ETV5: variants seen among roughly 807,000 people sequenced by gnomAD.
ETV5 encodes the protein ETS variant transcription factor 5, also known as ETS translocation variant 5.
Under a neutral mutation model 70.0 loss-of-function variants are expected in ETV5, and 10 were observed. The ratio of observed to expected loss-of-function variants is 0.14; its 90% confidence interval spans 0.09 to 0.24. ETV5 has a LOEUF of 0.24. ETV5 is among the 10% of genes least tolerant of loss of function. The pLI, the probability that ETV5 is intolerant of heterozygous loss-of-function variation, is 1.00. For synonymous variants in ETV5, 216 were observed against 242.2 expected, an observed-to-expected ratio of 0.89 and a Z score of 1.01; for missense variants, 453 against 651.2, an observed-to-expected ratio of 0.70 and a Z score of 3.31.
intron 9 of ETV5, among the ~76,000 whole-genome samples, chr3:186,063,304 C>T (rs1713355398): frequency 6.6e-6 from 1 of 152,156 alleles, no homozygotes; most frequent in African/African-American, 2.4e-5. Context: ...TGAAAAAAAG[C>T]AAGCTCCTCC....
Position 186,049,009 on chromosome 3 carries a change from G to A in ETV5, c.1312-149C>T, listed in dbSNP as rs1712954475. 1.8e-5 allele frequency: 12 copies of A among 653,162 alleles called. No homozygotes were observed. The Admixed American group carries it at 3.2e-4, about 18-fold the overall frequency. The allele number at this position is 653,162 out of a possible 1,614,324, so 40.5% of individuals were successfully genotyped here. On this transcript the variant is annotated intron_variant, in intron 12 of 12. Transcript: ENST00000306376. ...TCAGACTTATTTTGAGAACTCCTGG[G>A]AACCTATTATCTGCCAAGTGTTTTA...
Position 186,081,189 on chromosome 3 carries a change from A to G in ETV5, c.233-14T>C, listed in dbSNP as rs1713926250. On this transcript the variant is annotated splice_polypyrimidine_tract_variant and intron_variant, in intron 5 of 12. Coordinates refer to ENST00000306376, the MANE Select transcript of ETV5 (RefSeq NM_004454.3). Reference sequence around the variant, plus strand: ...CATGAAGCACCACTGAAATCAGAAGAGGGATGAGAGGGGAATAGAGAGAGA... The same window carrying G: ...CATGAAGCACCACTGAAATCAGAAGGGGGATGAGAGGGGAATAGAGAGAGA... The G allele has an allele frequency of 1.2e-6, 2 of 1,609,456 alleles. No individual in the cohort carries two copies. Among genetic ancestry groups the G allele is most frequent in the Non-Finnish European group, 1.7e-6 (2 of 1,177,256 alleles).
chr3:186,085,178 C>T (rs1302215112), intron 5 of ETV5, among the ~76,000 whole-genome samples: 1 of 152,084 alleles, frequency 6.6e-6, no homozygotes, highest in African/African-American at 2.4e-5. Context: ...GGCCAGGATT[C>T]CTACCTATGC....
Position 186,079,875 on chromosome 3 carries a change from G to A in ETV5, c.592C>T (p.His198Tyr), listed in dbSNP as rs1257471491. ...QQTFAVPRPP[H>Y]QPLQMPKMMP... is the part of the protein sequence containing the mutation. ...ATCTTTGGCATCTGCAGGGGCTGATGTGGTGGTCGGGGGACCGCAAATGTT... is the reference window on the plus strand; with the variant it reads ...ATCTTTGGCATCTGCAGGGGCTGATATGGTGGTCGGGGGACCGCAAATGTT... Residue 198 changes from histidine (H) to tyrosine (Y), a missense_variant, in exon 7 of 13, where the codon CAT becomes TAT. Transcript: ENST00000306376. The A allele has an allele frequency of 6.2e-7, 1 of 1,610,724 alleles. No individual in the cohort carries two copies. Among genetic ancestry groups the A allele is most frequent in the East Asian group, 2.2e-5 (1 of 44,584 alleles).
chr3:186,094,963 G>C (rs1292162852), intron 5 of ETV5, among the ~76,000 whole-genome samples: 1 of 152,144 alleles, frequency 6.6e-6, no homozygotes, highest in Non-Finnish European at 1.5e-5. Context: ...CTGGCATGTT[G>C]GTTACTTTCA....
In ETV5 at chr3:186,065,882, G is replaced by C. The variant is rs558126076; in HGVS notation, c.841C>G (p.Pro281Ala). 2.5e-6 allele frequency: 4 copies of C among 1,613,948 alleles called. No individual in the cohort carries two copies. The highest frequency in any genetic ancestry group is 3.3e-5 in the Admixed American group (2 of 60,020). ...YEHGVPGMPG[P>A]PAHGFQSPMG... ...GGTGACTGGAACCCGTGTGCTGGGG[G>C]CCCTGGCATGCCCGGGACCCCATGT... Residue 281 changes from proline to alanine, a missense_variant, in exon 8 of 13, where the codon CCC becomes GCC. Physicochemically the swap from Pro to Ala is conservative, Grantham distance 27. Around this residue, in one of 4 missense-constraint regions of ETV5, gnomAD observed 307 missense variants for 344.9 expected, o/e 0.89. Coordinates refer to ENST00000306376, the MANE Select transcript of ETV5 (RefSeq NM_004454.3).
At position 186,079,895 on chromosome 3, in the gene ETV5, A is replaced by C. The variant is rs1374783313; in HGVS notation, c.572T>G (p.Phe191Cys). ...LPEPGPQQQT[F>C]AVPRPPHQPL... Reference sequence around the variant, plus strand: ...CTGATGTGGTGGTCGGGGGACCGCAAATGTTTGCTGCTGTGGTCCAGGCTC... The same window carrying C: ...CTGATGTGGTGGTCGGGGGACCGCACATGTTTGCTGCTGTGGTCCAGGCTC... Residue 191 changes from phenylalanine (F) to cysteine (C), a missense_variant, in exon 7 of 13, where the codon TTT becomes TGT. Physicochemically the swap from Phe to Cys is radical, Grantham distance 205 (BLOSUM62 -2). Transcript: ENST00000306376. 7.0e-7 allele frequency: 1 copy of C among 1,421,798 alleles called. No homozygotes were observed. Among genetic ancestry groups the C allele is most frequent in the South Asian group, 1.2e-5 (1 of 86,412 alleles). 88.1% of individuals were successfully genotyped at this position (1,421,798 alleles called of 1,614,324 possible). A position where few individuals can be genotyped will look rare whatever the true frequency, so the allele number is the denominator to read the frequency against.
At position 186,094,231 on chromosome 3, in the gene ETV5, G is replaced by C. The variant is rs554953387; in HGVS notation, c.232+11074C>G. 7.2e-5 allele frequency among the ~76,000 whole-genome samples: 11 copies of C among 152,346 alleles called. No individual in the cohort carries two copies. The South Asian group carries it at 1.0e-3, about 14-fold the overall frequency. On this transcript the variant is annotated intron_variant, in intron 5 of 12. Coordinates refer to ENST00000306376, the MANE Select transcript of ETV5 (RefSeq NM_004454.3). ...TCCCAAAAGAAGTGGTCACGGATGGGAGGAGAGCCTTCCGTCCACGGGTGT... is the reference window on the plus strand; with the variant it reads ...TCCCAAAAGAAGTGGTCACGGATGGCAGGAGAGCCTTCCGTCCACGGGTGT...
At chr3:186,060,340 C>T (rs1578539922) in intron 9 of ETV5, among the ~76,000 whole-genome samples, 1 of 152,166 alleles carries the variant, frequency 6.6e-6, no homozygotes, top group East Asian at 1.9e-4. Context: ...TTCTAGTCAT[C>T]GCCACATGTG....
rs189227245 is a variant in ETV5, at chr3:186,102,658, G to A, written c.232+2647C>T. ...CTCCAAAAAAAAAAAAAAAAAAAAA[G>A]GTTTGCTTTCCCCTGGCAAATCTAA... On this transcript the variant is annotated intron_variant, in intron 5 of 12. Coordinates refer to ENST00000306376, the MANE Select transcript of ETV5 (RefSeq NM_004454.3). Among the ~76,000 whole-genome samples the A allele has an allele frequency of 7.8e-4, 103 of 131,660 alleles. 2 individuals carry two copies. Among genetic ancestry groups the A allele is most frequent in the African/African-American group, 3.0e-3 (100 of 33,190 alleles). The allele number at this position is 131,660 out of a possible 152,430, so 86.4% of individuals were successfully genotyped here.
At position 186,060,266 on chromosome 3, in the gene ETV5, G is replaced by T. The variant is rs143221319; in HGVS notation, c.971-2775C>A. ...ACATCTAGAAGAAATTCTCAGTTTG[G>T]TTTTCAAAGCTAATCAGATGAAGGT... On this transcript the variant is annotated intron_variant, in intron 9 of 12. Coordinates refer to ENST00000306376, the MANE Select transcript of ETV5 (RefSeq NM_004454.3). 2.6e-5 allele frequency among the ~76,000 whole-genome samples: 4 copies of T among 152,312 alleles called. No individual in the cohort carries two copies. In the East Asian group the frequency reaches 5.8e-4, roughly 22 times the overall value.
intron 11 of ETV5, among the ~76,000 whole-genome samples, chr3:186,056,386 T>C (rs1458344563): frequency 2.0e-5 from 3 of 152,254 alleles, no homozygotes; most frequent in Admixed American, 1.3e-4. Context: ...CACACCACCA[T>C]GCCTAGCTAA....
At chr3:186,073,111 G>A (rs977371411) in intron 7 of ETV5, among the ~76,000 whole-genome samples, 7 of 152,276 alleles carry the variant, frequency 4.6e-5, no homozygotes, top group Admixed American at 2.6e-4. Context: ...CAGCCTGTGC[G>A]ATGGAGTGAG....
At chr3:186,098,948 C>T (rs1053805697) in intron 5 of ETV5, among the ~76,000 whole-genome samples, 4 of 152,170 alleles carry the variant, frequency 2.6e-5, no homozygotes, top group African/African-American at 4.8e-5. Context: ...TTCCATGCCT[C>T]GGCTGTTCAG....
intron 7 of ETV5, among the ~76,000 whole-genome samples, chr3:186,067,433 A>G (rs1372105915): frequency 6.6e-6 from 1 of 152,166 alleles, no homozygotes; most frequent in East Asian, 1.9e-4. Flanking sequence ...TCCGTCTCAA[A>G]ATAAACAACA....
intron 7 of ETV5, chr3:186,078,216 T>C (rs1301890896): frequency 9.5e-7 from 1 of 1,050,950 alleles, no homozygotes; most frequent in Non-Finnish European, 1.1e-6. Flanking sequence ...CATAAGCCCC[T>C]TGGATAAAAA....
chr3:186,057,054 A>G lies in ETV5; in HGVS notation c.1209+21T>C. ...ACAACAACAAATCAAAACCCGTCTG[A>G]GTCCAGCATCCAGTGCATACCTCTT... On this transcript the variant is annotated intron_variant, in intron 11 of 12. Transcript: ENST00000306376. The surrounding 1 kb of genome is among the most constrained non-coding windows in gnomAD (Gnocchi z 4.9). 1 of 1,601,288 alleles carries G rather than the reference A, an allele frequency of 6.2e-7. No homozygotes were observed.
At chr3:186,070,183 G>A (rs774769493) in intron 7 of ETV5, among the ~76,000 whole-genome samples, 44 of 152,132 alleles carry the variant, frequency 2.9e-4, no homozygotes, top group Non-Finnish European at 5.4e-4. Context: ...TGGTAGTAAC[G>A]CCTTCCATTT....
At chr3:186,071,883 C>T (rs560512604) in intron 7 of ETV5, among the ~76,000 whole-genome samples, 2 of 151,664 alleles carry the variant, frequency 1.3e-5, no homozygotes, top group Non-Finnish European at 2.9e-5. Flanking sequence ...CCGCAACCTC[C>T]GCCTCTCGGG....
Sources: gnomAD v4.1 joint callset for allele counts (sites outside exome capture counted in the v4.1 genomes callset) on GRCh38, gnomAD v4.1.1 for gene constraint, gnomAD v4.1.1 regional missense constraint, Gnocchi (gnomAD v3.1) non-coding constraint, MANE v1.5 for transcripts, NCBI Gene and HGNC (gene_info 2026-07-23, HGNC 2026-07-21) for gene names.